Variants in PRR5L observed in about 807,000 individuals in gnomAD.
PRR5L encodes the protein proline rich 5 like.
Under a neutral mutation model 36.4 loss-of-function variants are expected in PRR5L, and 21 were observed. The ratio of observed to expected loss-of-function variants is 0.58; its 90% CI spans 0.41 to 0.83. PRR5L has a LOEUF of 0.83. PRR5L is among the 40% of genes least tolerant of loss of function. PRR5L has a pLI of 0.00. For missense variants in PRR5L, 381 were observed against 473.3 expected (o/e 0.80, Z 1.81); for synonymous variants, 188 against 197.0 (o/e 0.95, Z 0.38).
At chr11:36,322,969 C>A (rs1289489783) in intron 1 of PRR5L, among the ~76,000 whole-genome samples, 2 of 152,184 alleles carry the variant, frequency 1.3e-5, no homozygotes, top group East Asian at 3.9e-4. Flanking sequence ...CTGGCGACGA[C>A]ACCAGAAGCT....
At chr11:36,328,337 T>C (rs1856685526) in intron 1 of PRR5L, among the ~76,000 whole-genome samples, 1 of 152,162 alleles carries the variant, frequency 6.6e-6, no homozygotes, top group Non-Finnish European at 1.5e-5. Context: ...TCCCCAATGT[T>C]GGAGGTGGGG....
intron 6 of PRR5L, 127 bp from the exon 7 acceptor site, chr11:36,446,173 T>C: frequency 1.0e-6 from 1 of 995,624 alleles, no homozygotes; most frequent in South Asian, 1.7e-5. Context: ...AAAGACACAC[T>C]GGCCCTTGCA....
chr11:36,397,770 CCTTCATCTTTTT>C (rs1430518345), intron 1 of PRR5L, among the ~76,000 whole-genome samples: 1 of 150,972 alleles, frequency 6.6e-6, no homozygotes, highest in Non-Finnish European at 1.5e-5. Context: ...TAATTCTTTT[CCTTCATCTTTTT>C]CTTTCTTTTC....
At chr11:36,442,167 C>T (rs1360730975) in intron 6 of PRR5L, among the ~76,000 whole-genome samples, 1 of 152,184 alleles carries the variant, frequency 6.6e-6, no homozygotes, top group Non-Finnish European at 1.5e-5. Context: ...TTATATTTCT[C>T]TCCTGCAAAT....
intron 1 of PRR5L, among the ~76,000 whole-genome samples, chr11:36,316,141 A>T (rs1856554578): frequency 6.6e-6 from 1 of 152,250 alleles, no homozygotes; most frequent in Non-Finnish European, 1.5e-5. Context: ...AAAATAATTT[A>T]GGCACCGAGG....
At chr11:36,400,208 CAT>C (rs1006579867) in intron 1 of PRR5L, among the ~76,000 whole-genome samples, 11 of 152,202 alleles carry the variant, frequency 7.2e-5, no homozygotes, top group African/African-American at 2.4e-4. Flanking sequence ...CTGTGCATGA[CAT>C]AGAAGAGTGC....
At chr11:36,308,497 G>A (rs999205362) in intron 1 of PRR5L, among the ~76,000 whole-genome samples, 2 of 152,208 alleles carry the variant, frequency 1.3e-5, no homozygotes, top group Non-Finnish European at 2.9e-5. Context: ...CCCCCTGGGT[G>A]TCTCAGGAAA....
intron 1 of PRR5L, among the ~76,000 whole-genome samples, chr11:36,334,802 C>A (rs1856752734): frequency 6.6e-6 from 1 of 152,160 alleles, no homozygotes; most frequent in South Asian, 2.1e-4. Flanking sequence ...CTTAGCAAGG[C>A]AGAAGGAACT....
At chr11:36,376,277 C>T (rs1039191473) in intron 1 of PRR5L, 14 of 1,156,888 alleles carry the variant, frequency 1.2e-5, no homozygotes, top group Non-Finnish European at 1.4e-5. Flanking sequence ...AAGCTAGGTG[C>T]CCGGGACAGG....
At chr11:36,311,116 A>G (rs143884188) in intron 1 of PRR5L, among the ~76,000 whole-genome samples, 2,110 of 152,216 alleles carry the variant, frequency 0.014, 21 homozygotes, top group Middle Eastern at 0.024. Flanking sequence ...GGGAGGAAGG[A>G]AGAGCTTGAG....
intron 8 of PRR5L, among the ~76,000 whole-genome samples, chr11:36,457,234 A>G (rs1233798659): frequency 6.6e-6 from 1 of 152,226 alleles, no homozygotes; most frequent in East Asian, 1.9e-4. Context: ...AGTTTCAGCC[A>G]TGTTATAAAA....
At chr11:36,446,690 T>C (rs1162048733) in intron 7 of PRR5L, among the ~76,000 whole-genome samples, 1 of 152,168 alleles carries the variant, frequency 6.6e-6, no homozygotes, top group African/African-American at 2.4e-5. Flanking sequence ...AAGCATAGTC[T>C]TTCATTCAGG....
intron 8 of PRR5L, among the ~76,000 whole-genome samples, chr11:36,455,733 C>T (rs1222235214): frequency 6.6e-6 from 1 of 152,154 alleles, no homozygotes; most frequent in Non-Finnish European, 1.5e-5. Flanking sequence ...GAGTGTCGGT[C>T]GCTGTCTGCC....
At chr11:36,455,568 A>T (rs2133631979) in intron 8 of PRR5L, 1 of 152,822 alleles carries the variant, frequency 6.5e-6, no homozygotes, top group African/African-American at 2.4e-5. Context: ...TTCCCGCTAA[A>T]AGGGCACCAC....
chr11:36,433,550 C>G (rs771202675), intron 5 of PRR5L, among the ~76,000 whole-genome samples: 9 of 152,128 alleles, frequency 5.9e-5, no homozygotes, highest in Non-Finnish European at 8.8e-5. Context: ...TTTAGTGGCT[C>G]TTTTGCTTCT....
chr11:36,420,901 C>CA (rs1858251711), intron 4 of PRR5L, among the ~76,000 whole-genome samples: 1 of 149,388 alleles, frequency 6.7e-6, no homozygotes, highest in Non-Finnish European at 1.5e-5. Context: ...TAAATCTGGA[C>CA]AAACCAAGAC....
At chr11:36,311,126 G>T (rs1377517383) in intron 1 of PRR5L, among the ~76,000 whole-genome samples, 1 of 152,064 alleles carries the variant, frequency 6.6e-6, no homozygotes, top group East Asian at 1.9e-4. Flanking sequence ...AAGAGCTTGA[G>T]AATGCAGCAA....
At position 36,451,303 on chromosome 11, in the gene PRR5L, A is replaced by G; in HGVS notation, c.680A>G (p.Asp227Gly). 6.2e-7 allele frequency: 1 copy of G among 1,614,056 alleles called. No homozygotes were observed. The highest frequency in any genetic ancestry group is 8.5e-7 in the Non-Finnish European group (1 of 1,180,010). ...VVSPFLGISG[D>G]RSFSGPTYTL... ...TCTCCTTTCCTCGGCATCAGCGGGG[A>G]CCGTAGCTTCTCAGGCCCCACGTAC... Residue 227 changes from aspartate to glycine, a missense_variant, in exon 8 of 9, where the codon GAC (aspartate) becomes GGC (glycine). Coordinates refer to ENST00000530639, the MANE Select transcript of PRR5L (RefSeq NM_001160167.2).
chr11:36,328,209 G>A (rs1856684357), intron 1 of PRR5L, among the ~76,000 whole-genome samples: 1 of 152,116 alleles, frequency 6.6e-6, no homozygotes, highest in African/African-American at 2.4e-5. Flanking sequence ...CACTTATGGG[G>A]AAACAAATGA....
Sources: allele counts gnomAD v4.1 joint callset (sites outside exome capture counted in the v4.1 genomes callset), GRCh38; gene constraint gnomAD v4.1.1; transcripts MANE v1.5; gene names NCBI Gene and HGNC (gene_info 2026-07-23, HGNC 2026-07-21).